UTS2: variants seen among roughly 807,000 people sequenced by gnomAD.
The protein encoded by UTS2 is urotensin-2.
Under a neutral mutation model 12.6 loss-of-function variants are expected in UTS2, and 10 were observed. That is an observed-to-expected ratio of 0.80 (90% confidence interval 0.49 to 1.35). UTS2 has a LOEUF of 1.35. UTS2 is among the 40% of genes most tolerant of loss of function. The pLI, the probability that UTS2 is intolerant of heterozygous loss-of-function variation, is 0.00. For synonymous variants in UTS2, 52 were observed against 50.0 expected, an observed-to-expected ratio of 1.04 and a Z score of -0.17; for missense variants, 142 against 143.2, an observed-to-expected ratio of 0.99 and a Z score of 0.04.
chr1:7,909,730 T>C, the UTS2 span, among the ~76,000 whole-genome samples: 3 of 151,814 alleles, frequency 2.0e-5, no homozygotes, highest in Non-Finnish European at 2.9e-5. Flanking sequence ...AAGCAATTCT[T>C]CTGTCTCAGC....
the UTS2 span, among the ~76,000 whole-genome samples, chr1:7,903,987 C>T: frequency 1.3e-5 from 2 of 151,962 alleles, no homozygotes; most frequent in African/African-American, 4.8e-5. Flanking sequence ...AAGGGTTAGG[C>T]GAAAGAAGTT....
the UTS2 span, among the ~76,000 whole-genome samples, chr1:7,870,921 A>G: frequency 0.67 from 102,150 of 152,020 alleles, 34,814 homozygotes; most frequent in African/African-American, 0.77. Context: ...CAATAATATC[A>G]AAAAGGACTT....
chr1:7,909,054 G>A, the UTS2 span, among the ~76,000 whole-genome samples: 28 of 152,034 alleles, frequency 1.8e-4, no homozygotes, highest in Non-Finnish European at 3.5e-4. Context: ...GCCTCCGAAA[G>A]TGCTGGGATT....
chr1:7,898,667 C>T, the UTS2 span, among the ~76,000 whole-genome samples: 62,392 of 151,688 alleles, frequency 0.41, 13,544 homozygotes, highest in African/African-American at 0.48. Context: ...TTAGTAGAGA[C>T]GGGGTTTCAC....
chr1:7,887,578 A>G, the UTS2 span, among the ~76,000 whole-genome samples: 1 of 136,822 alleles, frequency 7.3e-6, no homozygotes, highest in African/African-American at 2.9e-5. Context: ...GGACAACATG[A>G]GACCCAGTCT....
the UTS2 span, among the ~76,000 whole-genome samples, chr1:7,879,959 AAAT>A: frequency 1.3e-5 from 2 of 152,200 alleles, no homozygotes; most frequent in African/African-American, 4.8e-5. Context: ...TGAAGGAAAG[AAAT>A]AATAAAGATC....
the UTS2 span, among the ~76,000 whole-genome samples, chr1:7,883,628 G>A: frequency 6.6e-6 from 1 of 152,166 alleles, no homozygotes; most frequent in Non-Finnish European, 1.5e-5. Flanking sequence ...TTATATGCAT[G>A]TATCAAAATA....
At chr1:7,900,169 GGA>G in the UTS2 span, among the ~76,000 whole-genome samples, 18,388 of 152,110 alleles carry the variant, frequency 0.12, 2,451 homozygotes, top group East Asian at 0.55. Context: ...GGCCAAGGCA[GGA>G]GAGGATCACT....
At chr1:7,859,234 CTT>C in the UTS2 span, among the ~76,000 whole-genome samples, 1 of 152,074 alleles carries the variant, frequency 6.6e-6, no homozygotes, top group Admixed American at 6.5e-5. Flanking sequence ...CTCAGATAGA[CTT>C]TTAATTTATA....
the UTS2 span, among the ~76,000 whole-genome samples, chr1:7,895,668 C>A: frequency 3.3e-5 from 5 of 152,252 alleles, no homozygotes; most frequent in African/African-American, 1.2e-4. Flanking sequence ...GCTTGAATTG[C>A]CCAATCTCAA....
the UTS2 span, among the ~76,000 whole-genome samples, chr1:7,906,453 AAGAAAG>A: frequency 1.6e-5 from 2 of 125,236 alleles, no homozygotes; most frequent in African/African-American, 7.2e-5. Flanking sequence ...GAAAAAGAGA[AAGAAAG>A]AAAGAAAGAA....
At chr1:7,851,587 G>A (rs556547974) in intron 1 of UTS2, among the ~76,000 whole-genome samples, 4 of 152,262 alleles carry the variant, frequency 2.6e-5, no homozygotes, top group East Asian at 1.9e-4. Flanking sequence ...GTTGCGATTC[G>A]AGGCTGTGGG....
chr1:7,890,967 ACCC>A, the UTS2 span, among the ~76,000 whole-genome samples: 13 of 135,784 alleles, frequency 9.6e-5, no homozygotes, highest in African/African-American at 3.5e-4. Context: ...GATACCCTCC[ACCC>A]CCCCCCACAA....
the UTS2 span, among the ~76,000 whole-genome samples, chr1:7,912,473 A>G: frequency 6.6e-6 from 1 of 151,996 alleles, no homozygotes; most frequent in Non-Finnish European, 1.5e-5. Context: ...TTTTTCTTTG[A>G]GATGAAATCT....
At chr1:7,851,701 G>A (rs2097414368) in intron 1 of UTS2, among the ~76,000 whole-genome samples, 1 of 152,102 alleles carries the variant, frequency 6.6e-6, no homozygotes, top group South Asian at 2.1e-4. Context: ...AGGCATCAGA[G>A]CACATTCACA....
chr1:7,863,583 G>T, the UTS2 span, among the ~76,000 whole-genome samples: 3 of 152,188 alleles, frequency 2.0e-5, no homozygotes, highest in African/African-American at 4.8e-5. Flanking sequence ...TATCCCAAGT[G>T]CCTAGAACAG....
chr1:7,859,314 A>G, the UTS2 span, among the ~76,000 whole-genome samples: 1 of 152,116 alleles, frequency 6.6e-6, no homozygotes. Context: ...GTTTCTAGTC[A>G]CCTATATTTC....
At chr1:7,888,468 G>T in the UTS2 span, among the ~76,000 whole-genome samples, 16 of 152,062 alleles carry the variant, frequency 1.1e-4, no homozygotes, top group Non-Finnish European at 1.9e-4. Context: ...CACTAATAAG[G>T]TCAGTAGTAT....
chr1:7,881,388 A>G, the UTS2 span, among the ~76,000 whole-genome samples: 1 of 152,170 alleles, frequency 6.6e-6, no homozygotes, highest in Non-Finnish European at 1.5e-5. Flanking sequence ...CATAGAGAAA[A>G]TCTAAAGACT....
Sources: allele counts gnomAD v4.1 joint callset (sites outside exome capture counted in the v4.1 genomes callset), GRCh38; gene constraint gnomAD v4.1.1; transcripts MANE v1.5; gene names NCBI Gene and HGNC (gene_info 2026-07-23, HGNC 2026-07-21).